NR2F1: variants seen among roughly 807,000 people sequenced by gnomAD.
The protein encoded by NR2F1 is COUP transcription factor 1.
In NR2F1, 1 loss-of-function variant was observed where a neutral mutation model predicts 37.7. The observed-to-expected ratio is 0.03, with a 90% confidence interval of 0.01 to 0.13. NR2F1 has a LOEUF of 0.13. Among genes scored for constraint, NR2F1 ranks in the 10% least tolerant of loss-of-function variants. The probability of loss-of-function intolerance (pLI) is 1.00; values close to 1 mark genes in which losing one functional copy is unlikely to be tolerated. For missense variants in NR2F1, 268 were observed against 578.4 expected, an observed-to-expected ratio of 0.46 and a Z score of 5.50; for synonymous variants, 275 against 259.6, an observed-to-expected ratio of 1.06 and a Z score of -0.57.
Position 93,584,208 on chromosome 5 carries a change from G to T in NR2F1, c.-816G>T. On this transcript the variant is annotated 5_prime_UTR_variant, in exon 1 of 3. Transcript: ENST00000327111. ...CGGCCTCCGCTCGCGCTCCGGCTGC[G>T]GCCCCGACTCCTGCTCGGACTCCGG... The T allele has an allele frequency of 6.7e-6, 1 of 148,630 alleles. No homozygotes were observed. The highest frequency in any genetic ancestry group is 2.0e-4 in the South Asian group (1 of 4,880). 9.2% of individuals were successfully genotyped at this position (148,630 alleles called of 1,614,324 possible). A position where few individuals can be genotyped will look rare whatever the true frequency, so the allele number is the denominator to read the frequency against.
In NR2F1 at chr5:93,584,650, C is replaced by A. The variant is rs1335166157; in HGVS notation, c.-374C>A. 6.9e-6 allele frequency: 1 copy of A among 145,888 alleles called. No individual in the cohort carries two copies. Among genetic ancestry groups the A allele is most frequent in the African/African-American group, 2.5e-5 (1 of 40,096 alleles). The allele number at this position is 145,888 out of a possible 1,614,324, so 9.0% of individuals were successfully genotyped here. ...TGGGGAGGGGGGAAGGAGAGCGCGGCCCCCCCAGGAACGGAGCGCGGGGGG... is the reference window on the plus strand; with the variant it reads ...TGGGGAGGGGGGAAGGAGAGCGCGGACCCCCCAGGAACGGAGCGCGGGGGG... On this transcript the variant is annotated 5_prime_UTR_variant, in exon 1 of 3. Transcript: ENST00000327111.
chr5:93,585,206 C>T lies in NR2F1; in HGVS notation c.183C>T (p.Pro61=), dbSNP rs1054029785. The part of the protein sequence containing the change: ...TPQTPGQPGA[P]ATPGTAGDKG... Reference sequence around the variant, plus strand: ...AGACCCCGGGCCAGCCCGGAGCGCCCGCCACCCCCGGCACGGCGGGGGACA... The same window carrying T: ...AGACCCCGGGCCAGCCCGGAGCGCCTGCCACCCCCGGCACGGCGGGGGACA... Residue 61 remains proline, a synonymous_variant, in exon 1 of 3, where the codon CCC becomes CCT. Transcript: ENST00000327111. 51 of 1,540,314 alleles carry T rather than the reference C, an allele frequency of 3.3e-5. No homozygotes were observed. The highest frequency in any genetic ancestry group is 4.2e-5 in the Non-Finnish European group (48 of 1,143,614).
At chr5:93,586,930 A>C (rs986608730) in intron 1 of NR2F1, among the ~76,000 whole-genome samples, 1 of 152,076 alleles carries the variant, frequency 6.6e-6, no homozygotes, top group Admixed American at 6.5e-5. Context: ...GAACATATCT[A>C]TATTAATTTG....
chr5:93,593,877 G>A lies in NR2F1; in HGVS notation c.*35G>A. 6.3e-7 allele frequency: 1 copy of A among 1,594,550 alleles called. No homozygotes were observed. The highest frequency in any genetic ancestry group is 8.6e-7 in the Non-Finnish European group (1 of 1,168,218). On this transcript the variant is annotated 3_prime_UTR_variant, in exon 3 of 3. Transcript: ENST00000327111. The surrounding 1 kb of genome is among the most constrained non-coding windows in gnomAD (Gnocchi z 5.6). ...GCTTCCCACCTGCCCCGTCCCCCTA[G>A]AGACTCAGAGGACCCACCTGGGCCA...
rs1580363745 is a variant in NR2F1 at position 93,593,972 on chromosome 5, C to G, written c.*130C>G. On this transcript the variant is annotated 3_prime_UTR_variant, in exon 3 of 3. Coordinates refer to ENST00000327111, the MANE Select transcript of NR2F1 (RefSeq NM_005654.6). This position sits in a 1 kb window ranked among gnomAD's most constrained non-coding sequence, Gnocchi z 5.6. ...GCAGGCTGGGTGGGAGGGAGGAGGGCCGAGACAGGAGCAGCCCACCCAGCA... is the reference window on the plus strand; with the variant it reads ...GCAGGCTGGGTGGGAGGGAGGAGGGGCGAGACAGGAGCAGCCCACCCAGCA... 1 of 801,604 alleles carries G rather than the reference C, an allele frequency of 1.2e-6. No homozygotes were observed. The highest frequency in any genetic ancestry group is 2.0e-6 in the Non-Finnish European group (1 of 506,228). The allele number at this position is 801,604 out of a possible 1,614,324, so 49.7% of individuals were successfully genotyped here. A position where few individuals can be genotyped will look rare whatever the true frequency, so the allele number is the denominator to read the frequency against.
intron 2 of NR2F1, among the ~76,000 whole-genome samples, chr5:93,589,971 T>G (rs1249074925): frequency 6.6e-6 from 1 of 152,264 alleles, no homozygotes; most frequent in Non-Finnish European, 1.5e-5. Context: ...GAGGATAAAG[T>G]GCAAACCTTA....
In NR2F1 at chr5:93,583,299, TTC is replaced by T. The variant is rs1753158493; in HGVS notation, c.-1721_-1720del. On this transcript the variant is annotated 5_prime_UTR_variant, in exon 1 of 3. Transcript: ENST00000327111. ...TCTCTCTCTCTCTCTCTCTCTCTTC[TTC>T]TCTTCTCTCTCTCTCTCTCTCTCCT... 6.7e-6 allele frequency: 1 copy of T among 149,560 alleles called. No homozygotes were observed. The highest frequency in any genetic ancestry group is 1.5e-5 in the Non-Finnish European group (1 of 67,288). 9.3% of individuals were successfully genotyped at this position (149,560 alleles called of 1,614,324 possible).
Position 93,585,286 on chromosome 5 carries a change from T to A in NR2F1, c.263T>A (p.Val88Glu). Residue 88 changes from valine (V) to glutamate (E), a missense_variant, in exon 1 of 3, where the codon GTG becomes GAG. Transcript: ENST00000327111. ...GQSQQHIECV[V>E]CGDKSSGKHY... ...AGCCAGCAGCACATCGAGTGCGTGG[T>A]GTGCGGGGACAAGTCGAGCGGCAAG... The A allele has an allele frequency of 6.2e-7, 1 of 1,604,868 alleles. No individual in the cohort carries two copies. Among genetic ancestry groups the A allele is most frequent in the East Asian group, 2.3e-5 (1 of 44,250 alleles).
rs1025410111 is a variant in NR2F1 at position 93,584,482 on chromosome 5, A to T, written c.-542A>T. 6.9e-6 allele frequency: 1 copy of T among 144,158 alleles called. No individual in the cohort carries two copies. The highest frequency in any genetic ancestry group is 2.6e-5 in the African/African-American group (1 of 38,874). 8.9% of individuals were successfully genotyped at this position (144,158 alleles called of 1,614,324 possible). A position where few individuals can be genotyped will look rare whatever the true frequency, so the allele number is the denominator to read the frequency against. ...GGGGGTGCGGGCGAGGCGGAGGGCG[A>T]GTGTGTGCGCGCGCCGTGGCCCATG... On this transcript the variant is annotated 5_prime_UTR_variant, in exon 1 of 3. Coordinates refer to ENST00000327111, the MANE Select transcript of NR2F1 (RefSeq NM_005654.6).
At chr5:93,588,788 C>T (rs1281560125) in intron 2 of NR2F1, among the ~76,000 whole-genome samples, 3 of 149,720 alleles carry the variant, frequency 2.0e-5, no homozygotes, top group Non-Finnish European at 4.5e-5. Flanking sequence ...CGCGCGCGCG[C>T]GCGCGTGTGT....
intron 1 of NR2F1, among the ~76,000 whole-genome samples, chr5:93,586,944 G>A (rs1484404523): frequency 6.6e-6 from 1 of 151,990 alleles, no homozygotes; most frequent in Non-Finnish European, 1.5e-5. Context: ...TAATTTGTTG[G>A]GGGAAGAGTT....
At chr5:93,588,795 G>A (rs1753281292) in intron 2 of NR2F1, among the ~76,000 whole-genome samples, 1 of 150,666 alleles carries the variant, frequency 6.6e-6, no homozygotes, top group African/African-American at 2.4e-5. Flanking sequence ...GCGCGCGCGT[G>A]TGTGTGTGTG....
Position 93,585,037 on chromosome 5 carries a change from T to C in NR2F1, c.14T>C (p.Val5Ala), listed in dbSNP as rs1468965930. ...GGGCCCAAAGATATGGCAATGGTAG[T>C]TAGCAGCTGGCGAGATCCGCAGGAC... MAMV[V>A]SSWRDPQDDV... The change falls in exon 1 of 3, where the codon GTT becomes GCT. Residue 5 changes from valine (V) to alanine (A), a missense_variant. Around this residue, in one of 5 missense-constraint regions of NR2F1, gnomAD observed 90 missense variants for 106.5 expected, o/e 0.85. Transcript: ENST00000327111. 4 of 1,027,888 alleles carry C rather than the reference T, an allele frequency of 3.9e-6. No homozygotes were observed. The highest frequency in any genetic ancestry group is 1.7e-5 in the African/African-American group (1 of 57,364). The allele number at this position is 1,027,888 out of a possible 1,614,324, so 63.7% of individuals were successfully genotyped here.
chr5:93,583,880 T>C lies in NR2F1; in HGVS notation c.-1144T>C, dbSNP rs1256794033. The C allele has an allele frequency of 6.6e-6, 1 of 152,562 alleles. No homozygotes were observed. The highest frequency in any genetic ancestry group is 1.9e-4 in the East Asian group (1 of 5,166). The allele number at this position is 152,562 out of a possible 1,614,324, so 9.5% of individuals were successfully genotyped here. A position where few individuals can be genotyped will look rare whatever the true frequency, so the allele number is the denominator to read the frequency against. On this transcript the variant is annotated 5_prime_UTR_variant, in exon 1 of 3. Transcript: ENST00000327111. ...CTGTGATTTCGTCGCCGGCGTGAAT[T>C]ATCCCGTATTTTTCTCCCCCTTCCG...
In NR2F1 at chr5:93,583,807, C is replaced by T. The variant is rs974761708; in HGVS notation, c.-1217C>T. On this transcript the variant is annotated 5_prime_UTR_variant, in exon 1 of 3. Coordinates refer to ENST00000327111, the MANE Select transcript of NR2F1 (RefSeq NM_005654.6). Reference sequence around the variant, plus strand: ...GATGTCTCTCTCGCTTTTCCTTTTTCCTTTTTTTGGCAATTATTTTCTTCT... The same window carrying T: ...GATGTCTCTCTCGCTTTTCCTTTTTTCTTTTTTTGGCAATTATTTTCTTCT... The T allele has an allele frequency of 2.6e-5, 4 of 152,174 alleles. No individual in the cohort carries two copies. The highest frequency in any genetic ancestry group is 4.4e-5 in the Non-Finnish European group (3 of 68,016). 9.4% of individuals were successfully genotyped at this position (152,174 alleles called of 1,614,324 possible).
intron 1 of NR2F1, chr5:93,585,723 C>G: frequency 1.8e-6 from 1 of 552,438 alleles, no homozygotes. Context: ...CCACCCCGCC[C>G]GCTGCCTGCT....
At position 93,583,297 on chromosome 5, in the gene NR2F1, T is replaced by C. The variant is rs1161122725; in HGVS notation, c.-1727T>C. On this transcript the variant is annotated 5_prime_UTR_variant, in exon 1 of 3. Transcript: ENST00000327111. Reference sequence around the variant, plus strand: ...TCTCTCTCTCTCTCTCTCTCTCTCTTCTTCTCTTCTCTCTCTCTCTCTCTC... The same window carrying C: ...TCTCTCTCTCTCTCTCTCTCTCTCTCCTTCTCTTCTCTCTCTCTCTCTCTC... 2.8e-5 allele frequency: 4 copies of C among 142,680 alleles called. No individual in the cohort carries two copies. Among genetic ancestry groups the C allele is most frequent in the Admixed American group, 2.2e-4 (3 of 13,846 alleles). The allele number at this position is 142,680 out of a possible 1,614,324, so 8.8% of individuals were successfully genotyped here.
chr5:93,591,695 A>G (rs1467788475), intron 2 of NR2F1, among the ~76,000 whole-genome samples: 2 of 152,166 alleles, frequency 1.3e-5, no homozygotes, highest in Non-Finnish European at 2.9e-5. Context: ...TTAAAAAAAA[A>G]AAATCTGCCG....
Position 93,584,391 on chromosome 5 carries a change from C to T in NR2F1, c.-633C>T, listed in dbSNP as rs2149940859. On this transcript the variant is annotated 5_prime_UTR_variant, in exon 1 of 3. Coordinates refer to ENST00000327111, the MANE Select transcript of NR2F1 (RefSeq NM_005654.6). Reference sequence around the variant, plus strand: ...GCTCAGCCCGCGCGCTGCGCGTAGCCCGAGCGGCCGGCGGGCGGGCGCCCG... The same window carrying T: ...GCTCAGCCCGCGCGCTGCGCGTAGCTCGAGCGGCCGGCGGGCGGGCGCCCG... 1 of 149,080 alleles carries T rather than the reference C, an allele frequency of 6.7e-6. No homozygotes were observed. The highest frequency in any genetic ancestry group is 1.5e-5 in the Non-Finnish European group (1 of 66,640). The allele number at this position is 149,080 out of a possible 1,614,324, so 9.2% of individuals were successfully genotyped here. A position where few individuals can be genotyped will look rare whatever the true frequency, so the allele number is the denominator to read the frequency against.
Sources: gnomAD v4.1 joint callset for allele counts (sites outside exome capture counted in the v4.1 genomes callset) on GRCh38, gnomAD v4.1.1 for gene constraint, gnomAD v4.1.1 regional missense constraint, Gnocchi (gnomAD v3.1) non-coding constraint, MANE v1.5 for transcripts, NCBI Gene and HGNC (gene_info 2026-07-23, HGNC 2026-07-21) for gene names.